Variants in PPARGC1A observed in about 807,000 individuals in gnomAD.
The protein encoded by PPARGC1A is peroxisome proliferator-activated receptor gamma coactivator 1-alpha.
PPARGC1A carries 25 observed loss-of-function variants against 88.7 expected under a neutral mutation model. That is an observed-to-expected ratio of 0.28 (90% CI 0.21 to 0.39). The LOEUF is 0.39. Ranked by LOEUF, PPARGC1A falls within the 10% of genes least tolerant of loss-of-function variation. The pLI is 1.00. For synonymous variants in PPARGC1A, 363 were observed against 355.6 expected, an observed-to-expected ratio of 1.02 and a Z score of -0.24; for missense variants, 880 against 968.7, an observed-to-expected ratio of 0.91 and a Z score of 1.22.
chr4:23,846,932 A>G (rs1022794235), intron 2 of PPARGC1A, among the ~76,000 whole-genome samples: 1 of 152,186 alleles, frequency 6.6e-6, no homozygotes, highest in Admixed American at 6.5e-5. Flanking sequence ...AAAAGGTTTC[A>G]TACTGGGATA....
intron 12 of PPARGC1A, among the ~76,000 whole-genome samples, chr4:23,798,108 C>T (rs1349827947): frequency 1.3e-5 from 2 of 151,994 alleles, no homozygotes; most frequent in Admixed American, 6.6e-5. Flanking sequence ...TTTACCTACC[C>T]AAATCTTATA....
the PPARGC1A span, among the ~76,000 whole-genome samples, chr4:24,120,228 C>A: frequency 1.3e-5 from 2 of 152,114 alleles, no homozygotes; most frequent in East Asian, 3.9e-4. Flanking sequence ...TTCCCAAACT[C>A]CGAGTCCCAG....
At chr4:24,182,030 C>T in the PPARGC1A span, among the ~76,000 whole-genome samples, 2 of 152,178 alleles carry the variant, frequency 1.3e-5, no homozygotes, top group East Asian at 1.9e-4. Flanking sequence ...ATGTGCAGAA[C>T]GTGCAGGTTT....
At chr4:24,119,721 A>G in the PPARGC1A span, among the ~76,000 whole-genome samples, 1 of 152,158 alleles carries the variant, frequency 6.6e-6, no homozygotes, top group Non-Finnish European at 1.5e-5. Flanking sequence ...AAATAAATGA[A>G]AATAAATGAA....
At chr4:24,172,300 C>A in the PPARGC1A span, among the ~76,000 whole-genome samples, 2 of 152,220 alleles carry the variant, frequency 1.3e-5, no homozygotes, top group African/African-American at 4.8e-5. Flanking sequence ...TGAACCTCCA[C>A]CCCACTCCAT....
At chr4:24,129,442 G>A in the PPARGC1A span, among the ~76,000 whole-genome samples, 1 of 152,158 alleles carries the variant, frequency 6.6e-6, no homozygotes, top group Non-Finnish European at 1.5e-5. Flanking sequence ...AGTACATCTG[G>A]TCAATTATAA....
At chr4:23,909,605 A>G in the PPARGC1A span, among the ~76,000 whole-genome samples, 2 of 151,832 alleles carry the variant, frequency 1.3e-5, no homozygotes, top group Non-Finnish European at 2.9e-5. Flanking sequence ...TGACAGGCAG[A>G]AGGAGGAGGG....
At chr4:24,154,992 G>T in the PPARGC1A span, among the ~76,000 whole-genome samples, 1 of 152,034 alleles carries the variant, frequency 6.6e-6, no homozygotes, top group African/African-American at 2.4e-5. Context: ...CCAGTCCCAG[G>T]AAGTAAAAAC....
the PPARGC1A span, among the ~76,000 whole-genome samples, chr4:24,340,500 T>A: frequency 6.6e-6 from 1 of 152,306 alleles, no homozygotes; most frequent in South Asian, 2.1e-4. Flanking sequence ...TCTTCTCCCA[T>A]AATTACACTG....
chr4:24,234,173 A>G, the PPARGC1A span, among the ~76,000 whole-genome samples: 1 of 152,238 alleles, frequency 6.6e-6, no homozygotes, highest in African/African-American at 2.4e-5. Flanking sequence ...ATTCTGCTGC[A>G]TGGAACCAGC....
At chr4:23,877,123 T>C (rs970947097) in intron 2 of PPARGC1A, among the ~76,000 whole-genome samples, 4 of 152,008 alleles carry the variant, frequency 2.6e-5, no homozygotes, top group Non-Finnish European at 5.9e-5. Flanking sequence ...GTGTATTTCA[T>C]TGTGGATCTC....
intron 5 of PPARGC1A, among the ~76,000 whole-genome samples, chr4:23,825,002 T>G (rs1014687201): frequency 3.3e-5 from 5 of 152,084 alleles, no homozygotes; most frequent in Non-Finnish European, 5.9e-5. Flanking sequence ...GAAAATTAAT[T>G]GAGAGATGAT....
In PPARGC1A at chr4:23,870,159, A is replaced by G. The variant is rs75111795; in HGVS notation, c.234+14593T>C. ...GTGTTTGTGTTTGTATATATGCCTCACCTATTTCCTCACATGATCAGGCTT... is the reference window on the plus strand; with the variant it reads ...GTGTTTGTGTTTGTATATATGCCTCGCCTATTTCCTCACATGATCAGGCTT... On this transcript the variant is annotated intron_variant, in intron 2 of 12. Coordinates refer to ENST00000264867, the MANE Select transcript of PPARGC1A (RefSeq NM_013261.5). Among the ~76,000 whole-genome samples the G allele has an allele frequency of 7.8e-3, 1,191 of 152,334 alleles. 15 individuals are homozygous for G. Among genetic ancestry groups the G allele is most frequent in the African/African-American group, 0.027 (1,138 of 41,580 alleles).
At chr4:24,004,653 A>ATCAC in the PPARGC1A span, among the ~76,000 whole-genome samples, 1 of 152,204 alleles carries the variant, frequency 6.6e-6, no homozygotes, top group African/African-American at 2.4e-5. Context: ...CTTTTAGGAA[A>ATCAC]TCACTGATTT....
At chr4:24,437,603 G>A in the PPARGC1A span, among the ~76,000 whole-genome samples, 155 of 111,224 alleles carry the variant, frequency 1.4e-3, 1 homozygote, top group African/African-American at 5.0e-3. Flanking sequence ...TTTTGTTGTT[G>A]TTGTTGTTGT....
the PPARGC1A span, among the ~76,000 whole-genome samples, chr4:24,036,995 G>A: frequency 1.3e-5 from 2 of 152,268 alleles, no homozygotes; most frequent in East Asian, 3.9e-4. Context: ...TTACAAGCAT[G>A]TCTCAAGAGC....
At chr4:24,267,955 G>T in the PPARGC1A span, among the ~76,000 whole-genome samples, 1 of 151,990 alleles carries the variant, frequency 6.6e-6, no homozygotes, top group Non-Finnish European at 1.5e-5. Context: ...CTTTTCTTAG[G>T]GGATCAACTG....
At chr4:24,123,440 A>G in the PPARGC1A span, among the ~76,000 whole-genome samples, 2 of 152,308 alleles carry the variant, frequency 1.3e-5, no homozygotes, top group Non-Finnish European at 2.9e-5. Context: ...AGGTTTCACT[A>G]TAGCCTTATT....
At chr4:24,255,512 A>G in the PPARGC1A span, among the ~76,000 whole-genome samples, 1 of 152,186 alleles carries the variant, frequency 6.6e-6, no homozygotes, top group African/African-American at 2.4e-5. Context: ...ACGGCTTTCC[A>G]TCTAAGAATC....
Sources: gnomAD v4.1 joint callset for allele counts (sites outside exome capture counted in the v4.1 genomes callset) on GRCh38, gnomAD v4.1.1 for gene constraint, MANE v1.5 for transcripts, NCBI Gene and HGNC (gene_info 2026-07-23, HGNC 2026-07-21) for gene names.